The following POF1B variants were observed in gnomAD, a reference collection of about 807,000 sequenced individuals.
POF1B encodes POF1B actin binding protein.
Under a neutral mutation model 55.3 loss-of-function variants are expected in POF1B, and 53 were observed. That is an observed-to-expected ratio of 0.96 (90% CI 0.77 to 1.20). The LOEUF is 1.20. POF1B is among the 50% of genes most tolerant of loss of function. The pLI is 0.00. For missense variants in POF1B, 478 were observed against 420.5 expected (o/e 1.14, Z -1.20); for synonymous variants, 188 against 148.3 (o/e 1.27, Z -1.95).
intron 11 of POF1B, among the ~76,000 whole-genome samples, chrX:85,306,854 A>T (rs1932585369): frequency 9.0e-6 from 1 of 111,537 alleles, no homozygotes; most frequent in Non-Finnish European, 1.9e-5. Flanking sequence ...AGCTTTTCTC[A>T]TTGACATGTT....
chrX:85,316,370 G>A (rs1432508565), intron 7 of POF1B, among the ~76,000 whole-genome samples: 1 of 111,398 alleles, frequency 9.0e-6, no homozygotes, highest in Admixed American at 9.6e-5. Flanking sequence ...GGTCACAGGG[G>A]TCGAAAGACC....
chrX:85,280,735 T>C (rs1330988464), intron 16 of POF1B, among the ~76,000 whole-genome samples: 1 of 111,347 alleles, frequency 9.0e-6, no homozygotes, highest in Non-Finnish European at 1.9e-5. Flanking sequence ...CAAACATTTC[T>C]CTGTTCATTT....
intron 7 of POF1B, among the ~76,000 whole-genome samples, chrX:85,328,638 T>A (rs1405515626): frequency 9.0e-6 from 1 of 111,126 alleles, no homozygotes. Context: ...GTTCTCAAAC[T>A]TGATCATGTA....
chrX:85,309,919 A>G (rs1445513824), intron 9 of POF1B, among the ~76,000 whole-genome samples: 1 of 112,024 alleles, frequency 8.9e-6, no homozygotes, highest in East Asian at 2.8e-4. Flanking sequence ...GAGACTGTGA[A>G]GGGAGCTTGG....
At chrX:85,372,998 T>G (rs1421487620) in intron 2 of POF1B, among the ~76,000 whole-genome samples, 1 of 109,328 alleles carries the variant, frequency 9.1e-6, no homozygotes, top group African/African-American at 3.3e-5. Context: ...CCTTAAAAAC[T>G]TAATATATAC....
chrX:85,333,958 G>C (rs1028492310), intron 6 of POF1B, among the ~76,000 whole-genome samples: 1 of 107,096 alleles, frequency 9.3e-6, no homozygotes, highest in Non-Finnish European at 1.9e-5. Flanking sequence ...ATTTGGGAGG[G>C]GGGAGGGCTG....
intron 9 of POF1B, 33 bp downstream of exon 9, chrX:85,314,399 G>A: frequency 8.9e-7 from 1 of 1,118,550 alleles, no homozygotes; most frequent in Non-Finnish European, 1.2e-6. Flanking sequence ...TGTTAGTGTT[G>A]ATTTCACACA....
At chrX:85,329,630 G>A (rs1479304505) in intron 7 of POF1B, among the ~76,000 whole-genome samples, 2 of 93,751 alleles carry the variant, frequency 2.1e-5, no homozygotes, top group Non-Finnish European at 2.0e-5. Flanking sequence ...GGTGGTGGTC[G>A]TTTTTTTTTT....
intron 15 of POF1B, among the ~76,000 whole-genome samples, chrX:85,291,498 G>A (rs189435720): frequency 1.3e-3 from 146 of 112,105 alleles, no homozygotes; most frequent in Non-Finnish European, 2.2e-3. Flanking sequence ...AATGGAAATA[G>A]CATTGAATCT....
At chrX:85,307,428 C>T (rs1402329670) in intron 10 of POF1B, 152 bp from the exon 11 acceptor site, 17 of 390,070 alleles carry the variant, frequency 4.4e-5, no homozygotes, top group South Asian at 5.4e-5. Context: ...TAAGAAAATA[C>T]GGGATAGGAA....
intron 3 of POF1B, 73 bp from the exon 4 acceptor site, chrX:85,359,703 G>A: frequency 1.4e-6 from 1 of 692,873 alleles, no homozygotes; most frequent in Non-Finnish European, 2.2e-6. Flanking sequence ...TAATAATAGG[G>A]AACAATTTCC....
At chrX:85,329,726 C>A (rs1321876463) in intron 7 of POF1B, among the ~76,000 whole-genome samples, 1 of 106,470 alleles carries the variant, frequency 9.4e-6, no homozygotes, top group Non-Finnish European at 1.9e-5. Context: ...AATAAGGAGG[C>A]AAAGCAGTTG....
At chrX:85,313,349 C>T (rs1483854938) in intron 9 of POF1B, among the ~76,000 whole-genome samples, 5 of 111,647 alleles carry the variant, frequency 4.5e-5, no homozygotes, top group African/African-American at 1.6e-4. Flanking sequence ...AGATACATCC[C>T]ATCAATACCT....
In POF1B at chrX:85,279,213, G is replaced by A. The variant is rs1931843115; in HGVS notation, c.*208C>T. ...TAGTATGTTGTTATACTGAATACAT[G>A]AGTGTTATGGAAAAGATTTAGGTCT... On this transcript the variant is annotated 3_prime_UTR_variant, in exon 17 of 17. Transcript: ENST00000262753. 4 of 382,021 alleles carry A rather than the reference G, an allele frequency of 1.0e-5. No individual in the cohort carries two copies. Among genetic ancestry groups the A allele is most frequent in the Non-Finnish European group, 1.4e-5 (3 of 213,604 alleles). 31.5% of individuals were successfully genotyped at this position (382,021 alleles called of 1,213,427 possible).
At chrX:85,310,306 AG>A (rs768790069) in intron 9 of POF1B, among the ~76,000 whole-genome samples, 1 of 112,553 alleles carries the variant, frequency 8.9e-6, no homozygotes, top group East Asian at 2.8e-4. Flanking sequence ...AGAAGTTGCA[AG>A]GAGACTGTAA....
chrX:85,370,566 A>T (rs1933802556), intron 2 of POF1B, among the ~76,000 whole-genome samples: 1 of 111,650 alleles, frequency 9.0e-6, no homozygotes, highest in African/African-American at 3.3e-5. Flanking sequence ...AAGGGGGAAA[A>T]CCTCTCTGAA....
intron 6 of POF1B, among the ~76,000 whole-genome samples, chrX:85,334,312 C>A (rs995793017): frequency 9.0e-6 from 1 of 110,943 alleles, no homozygotes; most frequent in African/African-American, 3.3e-5. Flanking sequence ...CTCATATATA[C>A]TCATCTGCCT....
In POF1B at chrX:85,302,562, C is replaced by G. The variant is rs145780736; in HGVS notation, c.1649+844G>C. Among the ~76,000 whole-genome samples the G allele has an allele frequency of 6.2e-3, 692 of 111,290 alleles. 5 individuals are homozygous for G. The highest frequency in any genetic ancestry group is 0.021 in the African/African-American group (658 of 30,651). ...AGCATAGAGTTATCATGTGACCTAT[C>G]AATTCCACTCCTAGGTATATACTCA... On this transcript the variant is annotated intron_variant, in intron 15 of 16. Transcript: ENST00000262753.
At chrX:85,303,343 T>C in intron 15 of POF1B, 63 bp downstream of exon 15, 1 of 791,091 alleles carries the variant, frequency 1.3e-6, no homozygotes, top group Non-Finnish European at 1.8e-6. Flanking sequence ...CAATTAAACA[T>C]GAAATAACTT....
Sources: gnomAD v4.1 joint callset for allele counts (sites outside exome capture counted in the v4.1 genomes callset) on GRCh38, gnomAD v4.1.1 for gene constraint, MANE v1.5 for transcripts, NCBI Gene and HGNC (gene_info 2026-07-23, HGNC 2026-07-21) for gene names.